Variants in LRRC37A2 observed in about 807,000 individuals in gnomAD.
The protein encoded by LRRC37A2 is leucine-rich repeat-containing protein 37A2.
A neutral mutation model predicts 68.8 loss-of-function variants in LRRC37A2; 9 were observed. The observed-to-expected ratio is 0.13, with a 90% CI of 0.08 to 0.23. LRRC37A2 has a LOEUF of 0.23. LRRC37A2 is among the 10% of genes least tolerant of loss of function. The pLI is 1.00. For synonymous variants in LRRC37A2, 63 were observed against 367.6 expected (o/e 0.17, Z 9.48); for missense variants, 168 against 950.4 (o/e 0.18, Z 10.82).
the LRRC37A2 span, chr17:46,769,763 G>C: frequency 6.2e-7 from 1 of 1,607,812 alleles, no homozygotes. Flanking sequence ...GAAGGGTTTG[G>C]GGAGGGTAGC....
At chr17:46,568,558 C>G in the LRRC37A2 span, among the ~76,000 whole-genome samples, 1 of 100,110 alleles carries the variant, frequency 1.0e-5, no homozygotes, top group Non-Finnish European at 1.9e-5. Context: ...GGTCTCAGCA[C>G]TTTGGGAGGC....
chr17:46,848,228 T>C, the LRRC37A2 span, among the ~76,000 whole-genome samples: 1 of 152,304 alleles, frequency 6.6e-6, no homozygotes, highest in Middle Eastern at 3.4e-3. Flanking sequence ...TGGGCTGTAG[T>C]GTGTGTGCCC....
At chr17:46,769,927 C>T in the LRRC37A2 span, 52 of 1,613,330 alleles carry the variant, frequency 3.2e-5, no homozygotes, top group Non-Finnish European at 4.3e-5. Flanking sequence ...CTTCGCCAGG[C>T]GGCCCCTTAT....
At chr17:46,748,286 T>C in the LRRC37A2 span, among the ~76,000 whole-genome samples, 8 of 152,160 alleles carry the variant, frequency 5.3e-5, no homozygotes, top group African/African-American at 1.9e-4. Context: ...TAATTTTGTA[T>C]TTTTAGTAGA....
the LRRC37A2 span, chr17:46,876,341 G>A: frequency 6.2e-7 from 1 of 1,614,150 alleles, no homozygotes. Flanking sequence ...CCCGTTCCGT[G>A]AGACGGGCCA....
chr17:47,004,246 T>C, the LRRC37A2 span, among the ~76,000 whole-genome samples: 1 of 152,248 alleles, frequency 6.6e-6, no homozygotes, highest in African/African-American at 2.4e-5. Context: ...AGTAATGGGA[T>C]GGCTGTGTCA....
At chr17:46,688,027 TA>T in the LRRC37A2 span, among the ~76,000 whole-genome samples, 2 of 106,750 alleles carry the variant, frequency 1.9e-5, no homozygotes, top group East Asian at 2.5e-4. Flanking sequence ...CAGATTTTTT[TA>T]AAAACTTAGA....
At chr17:46,806,983 G>A in the LRRC37A2 span, among the ~76,000 whole-genome samples, 2 of 152,214 alleles carry the variant, frequency 1.3e-5, no homozygotes, top group South Asian at 4.1e-4. Context: ...CGGCTTCCAA[G>A]GCAAGGGAGG....
At chr17:46,924,716 G>C in the LRRC37A2 span, among the ~76,000 whole-genome samples, 1 of 152,154 alleles carries the variant, frequency 6.6e-6, no homozygotes, top group Non-Finnish European at 1.5e-5. Context: ...CTTTTACACT[G>C]GGGAGCCCTA....
At chr17:46,837,976 G>A in the LRRC37A2 span, among the ~76,000 whole-genome samples, 85 of 152,142 alleles carry the variant, frequency 5.6e-4, no homozygotes, top group African/African-American at 2.0e-3. Context: ...CGTTTTCCAC[G>A]TGTACATCAC....
the LRRC37A2 span, among the ~76,000 whole-genome samples, chr17:46,807,195 AAAG>A: frequency 6.6e-6 from 1 of 152,198 alleles, no homozygotes; most frequent in African/African-American, 2.4e-5. Context: ...AAAGAAACAG[AAAG>A]AAGGCCGGGC....
the LRRC37A2 span, among the ~76,000 whole-genome samples, chr17:46,871,843 T>G: frequency 6.6e-6 from 1 of 152,208 alleles, no homozygotes; most frequent in East Asian, 1.9e-4. Context: ...CCTTCCCTTC[T>G]CTTTCCTTCC....
At chr17:46,985,191 GC>G in the LRRC37A2 span, among the ~76,000 whole-genome samples, 3 of 152,180 alleles carry the variant, frequency 2.0e-5, no homozygotes, top group Non-Finnish European at 4.4e-5. Flanking sequence ...TTCGAGGTTG[GC>G]CCCTGCTCAG....
At chr17:46,896,158 G>A in the LRRC37A2 span, among the ~76,000 whole-genome samples, 2 of 151,970 alleles carry the variant, frequency 1.3e-5, no homozygotes, top group Admixed American at 1.3e-4. Context: ...GCTGGGCCTG[G>A]TGGCAGATGC....
At chr17:46,439,409 GC>G in the LRRC37A2 span, among the ~76,000 whole-genome samples, 1 of 134,870 alleles carries the variant, frequency 7.4e-6, no homozygotes, top group Admixed American at 7.3e-5. Context: ...AAAGCATTTT[GC>G]TGTTTTATAA....
the LRRC37A2 span, among the ~76,000 whole-genome samples, chr17:46,909,523 C>T: frequency 3.3e-5 from 5 of 152,182 alleles, no homozygotes; most frequent in African/African-American, 4.8e-5. Flanking sequence ...GTACTGTCTT[C>T]GAAAGCCAGT....
chr17:46,839,684 T>TC, the LRRC37A2 span, among the ~76,000 whole-genome samples: 7 of 151,672 alleles, frequency 4.6e-5, no homozygotes, highest in African/African-American at 9.7e-5. Flanking sequence ...CCTCCCCCAG[T>TC]CCCCCCCGCC....
chr17:46,973,530 TG>T, the LRRC37A2 span, among the ~76,000 whole-genome samples: 1 of 152,082 alleles, frequency 6.6e-6, no homozygotes, highest in Non-Finnish European at 1.5e-5. Flanking sequence ...TCCTTATCCA[TG>T]GACTGGAGTG....
chr17:46,723,631 T>C, the LRRC37A2 span, among the ~76,000 whole-genome samples: 2 of 152,216 alleles, frequency 1.3e-5, no homozygotes, highest in African/African-American at 4.8e-5. Flanking sequence ...CAGCTTCACC[T>C]CTGTGTTTTA....
Sources: gnomAD v4.1 joint callset for allele counts (sites outside exome capture counted in the v4.1 genomes callset) on GRCh38, gnomAD v4.1.1 for gene constraint, MANE v1.5 for transcripts, NCBI Gene and HGNC (gene_info 2026-07-23, HGNC 2026-07-21) for gene names.